Variants in TRIO observed in about 807,000 individuals in gnomAD.
TRIO encodes trio Rho guanine nucleotide exchange factor.
TRIO carries 58 observed loss-of-function variants against 351.9 expected under a neutral mutation model. The ratio of observed to expected loss-of-function variants is 0.16; its 90% CI spans 0.13 to 0.21. TRIO has a LOEUF of 0.21. TRIO is among the 10% of genes least tolerant of loss of function. TRIO has a pLI of 1.00. For missense variants in TRIO, 3,201 were observed against 4,027.8 expected (o/e 0.79, Z 5.56); for synonymous variants, 1,758 against 1,595.7 (o/e 1.10, Z -2.42).
chr5:14,312,994 A>AT (rs1437264421), intron 8 of TRIO, among the ~76,000 whole-genome samples: 1 of 152,252 alleles, frequency 6.6e-6, no homozygotes, highest in African/African-American at 2.4e-5. Context: ...TGCTTAAATC[A>AT]TACTTTTTAA....
chr5:14,213,201 A>G (rs1792017211), intron 1 of TRIO, among the ~76,000 whole-genome samples: 1 of 152,058 alleles, frequency 6.6e-6, no homozygotes, highest in Non-Finnish European at 1.5e-5. Context: ...AGGAAAGTAC[A>G]ATTTTTTTCC....
chr5:14,255,136 G>A (rs1794959430), intron 1 of TRIO, among the ~76,000 whole-genome samples: 1 of 152,192 alleles, frequency 6.6e-6, no homozygotes, highest in African/African-American at 2.4e-5. Flanking sequence ...GCAGCAAATG[G>A]TTGCATCCTT....
intron 11 of TRIO, among the ~76,000 whole-genome samples, chr5:14,345,587 G>A (rs1006578303): frequency 2.6e-5 from 4 of 152,206 alleles, no homozygotes; most frequent in Non-Finnish European, 5.9e-5. Flanking sequence ...TTGAGACATA[G>A]TCTCACTCTG....
intron 1 of TRIO, among the ~76,000 whole-genome samples, chr5:14,209,353 ATAGAAG>A (rs1791739842): frequency 6.6e-6 from 1 of 152,256 alleles, no homozygotes; most frequent in Non-Finnish European, 1.5e-5. Context: ...TTAGACATAC[ATAGAAG>A]TAGAAAGAAT....
chr5:14,423,689 C>T (rs754278002), intron 34 of TRIO, among the ~76,000 whole-genome samples: 1 of 152,144 alleles, frequency 6.6e-6, no homozygotes, highest in Non-Finnish European at 1.5e-5. Context: ...GGCAAATGAG[C>T]GTCTCTCACT....
chr5:14,244,694 C>T (rs888130307), intron 1 of TRIO, among the ~76,000 whole-genome samples: 2 of 152,194 alleles, frequency 1.3e-5, no homozygotes, highest in East Asian at 1.9e-4. Flanking sequence ...ATGTTTGACT[C>T]CTCACCGTAG....
chr5:14,496,385 C>T (rs935058086), intron 49 of TRIO, among the ~76,000 whole-genome samples: 5 of 152,146 alleles, frequency 3.3e-5, no homozygotes, highest in Non-Finnish European at 5.9e-5. Flanking sequence ...CTTCAGACCC[C>T]GGAGAGCACG....
intron 23 of TRIO, chr5:14,388,050 T>C: frequency 1.8e-6 from 1 of 563,280 alleles, no homozygotes; most frequent in Non-Finnish European, 3.2e-6. Flanking sequence ...ATCTAGTTTT[T>C]ATCCCTGTGC....
intron 1 of TRIO, among the ~76,000 whole-genome samples, chr5:14,241,912 T>C (rs1183846290): frequency 6.6e-6 from 1 of 152,240 alleles, no homozygotes; most frequent in African/African-American, 2.4e-5. Flanking sequence ...ACTTGAGTGC[T>C]ATGATTTTTG....
intron 34 of TRIO, among the ~76,000 whole-genome samples, chr5:14,426,149 C>T (rs756100414): frequency 1.3e-5 from 2 of 152,130 alleles, no homozygotes; most frequent in Non-Finnish European, 2.9e-5. Flanking sequence ...ATTTCTTTGG[C>T]GACTTTCTCT....
chr5:14,469,832 C>A (rs537112371), intron 37 of TRIO, among the ~76,000 whole-genome samples: 1 of 152,366 alleles, frequency 6.6e-6, no homozygotes, highest in African/African-American at 2.4e-5. Context: ...CTGATGAAGT[C>A]CGTGACTTTA....
At chr5:14,298,879 G>A (rs934296916) in intron 7 of TRIO, among the ~76,000 whole-genome samples, 2 of 152,320 alleles carry the variant, frequency 1.3e-5, no homozygotes, top group East Asian at 1.9e-4. Context: ...CTGCTTCAGC[G>A]TAAATAAAAC....
chr5:14,169,197 CTT>C (rs3994005), intron 1 of TRIO, among the ~76,000 whole-genome samples: 35,941 of 140,374 alleles, frequency 0.26, 4,647 homozygotes, highest in East Asian at 0.46. Flanking sequence ...ATAAAACTGC[CTT>C]TTTTTTTTTT....
chr5:14,498,195 G>T lies in TRIO; in HGVS notation c.8154G>T (p.Trp2718Cys), dbSNP rs1167562369. ...GCCGCCCCAAAGCCTCAATTACCTG[G>T]AAGGGCCCTGAACACAACACCTTGA... ...VCGRPKASITWKGPEHNTLNN... is the reference protein window; with the variant it reads ...VCGRPKASITCKGPEHNTLNN... The change falls in exon 52 of 57, where the codon TGG becomes TGT. Residue 2718 changes from tryptophan (W) to cysteine (C), a missense_variant. Trp to Cys is a radical substitution (Grantham distance 215). Coordinates refer to ENST00000344204, the MANE Select transcript of TRIO (RefSeq NM_007118.4). The T allele has an allele frequency of 6.2e-7, 1 of 1,614,070 alleles. No individual in the cohort carries two copies. Among genetic ancestry groups the T allele is most frequent in the Non-Finnish European group, 8.5e-7 (1 of 1,180,044 alleles).
At chr5:14,255,927 AAC>A (rs1794999728) in intron 1 of TRIO, among the ~76,000 whole-genome samples, 1 of 152,244 alleles carries the variant, frequency 6.6e-6, no homozygotes, top group Non-Finnish European at 1.5e-5. Flanking sequence ...AAAAATAAGC[AAC>A]ACAGCAATAT....
At chr5:14,346,625 G>A (rs1317890109) in intron 11 of TRIO, among the ~76,000 whole-genome samples, 1 of 152,214 alleles carries the variant, frequency 6.6e-6, no homozygotes, top group African/African-American at 2.4e-5. Flanking sequence ...GTCAGGAAAA[G>A]TGAATGAACA....
chr5:14,315,237 C>T (rs1739276154), intron 8 of TRIO, among the ~76,000 whole-genome samples: 2 of 151,190 alleles, frequency 1.3e-5, no homozygotes, highest in Non-Finnish European at 2.9e-5. Flanking sequence ...AAAAGTGCCC[C>T]TGAACTTGCT....
chr5:14,375,115 T>G (rs1745442510), intron 19 of TRIO, among the ~76,000 whole-genome samples: 1 of 152,274 alleles, frequency 6.6e-6, no homozygotes, highest in Non-Finnish European at 1.5e-5. Flanking sequence ...ATTCATCTGT[T>G]AGTTGTCACA....
chr5:14,199,707 G>A (rs546592096), intron 1 of TRIO, among the ~76,000 whole-genome samples: 74 of 152,084 alleles, frequency 4.9e-4, no homozygotes, highest in Non-Finnish European at 1.0e-3. Flanking sequence ...CTAAAGTAGG[G>A]GATTTATAGG....
Sources: allele counts gnomAD v4.1 joint callset (sites outside exome capture counted in the v4.1 genomes callset), GRCh38; gene constraint gnomAD v4.1.1; transcripts MANE v1.5; gene names NCBI Gene and HGNC (gene_info 2026-07-23, HGNC 2026-07-21).